The following CAPN13 variants were observed in gnomAD, a reference collection of about 807,000 sequenced individuals.
CAPN13 encodes the protein calpain 13.
Under a neutral mutation model 98.4 loss-of-function variants are expected in CAPN13, and 90 were observed. The ratio of observed to expected loss-of-function variants is 0.92; its 90% CI spans 0.77 to 1.09. The LOEUF (loss-of-function observed/expected upper bound fraction) is 1.09. Among genes scored for constraint, CAPN13 ranks in the 50% least tolerant of loss-of-function variants. The pLI is 0.00. For synonymous variants in CAPN13, 330 were observed against 305.5 expected, an observed-to-expected ratio of 1.08 and a Z score of -0.84; for missense variants, 887 against 841.3, an observed-to-expected ratio of 1.05 and a Z score of -0.67.
intron 7 of CAPN13, among the ~76,000 whole-genome samples, chr2:30,758,774 CTCCCTCCCTCCCTTTCCT>C (rs1672598601): frequency 2.1e-5 from 1 of 46,520 alleles, no homozygotes; most frequent in African/African-American, 9.4e-5. Flanking sequence ...CCTTTCCTTC[CTCCCTCCCTCCCTTTCCT>C]TTCCTTCCTC....
intron 7 of CAPN13, among the ~76,000 whole-genome samples, chr2:30,761,042 T>G (rs1439305684): frequency 6.6e-6 from 1 of 152,202 alleles, no homozygotes; most frequent in Non-Finnish European, 1.5e-5. Flanking sequence ...AATGGTACAA[T>G]AAAAACCAGC....
Position 30,738,419 on chromosome 2 carries a change from G to A in CAPN13, c.1575C>T (p.Leu525=), listed in dbSNP as rs1313092821. 2 of 1,608,456 alleles carry A rather than the reference G, an allele frequency of 1.2e-6. No individual in the cohort carries two copies. The highest frequency in any genetic ancestry group is 1.7e-6 in the Non-Finnish European group (2 of 1,177,214). ...TCATACCTGTTAGAAGCTCCTGGTT[G>A]AGAAGGCCCTGAAGCTGGGTGGCAT... The part of the protein sequence containing the change: ...DIDATQLQGL[L]NQELLTGPPG... The change falls in exon 16 of 23, where the codon CTC becomes CTT. Residue 525 remains leucine (L), a synonymous_variant. Transcript: ENST00000295055.
rs553760647 is a variant in CAPN13 at position 30,764,193 on chromosome 2, A to C, written c.638T>G (p.Val213Gly). The change falls in exon 6 of 23, where the codon GTG becomes GGG. Residue 213 changes from valine to glycine, a missense_variant. By Grantham distance (109) the Val-to-Gly change is moderately radical. Transcript: ENST00000295055. ...CTTGGTCGCTGTCTTCACTGCCTTC[A>C]CCAGGTCCACAGGGGAAGAGTGCAG... ...IHLHSSPVDL[V>G]KAVKTATKAG... The C allele has an allele frequency of 1.9e-5, 30 of 1,607,918 alleles. No homozygotes were observed. In the African/African-American group the frequency reaches 3.6e-4, roughly 19 times the overall value.
intron 1 of CAPN13, among the ~76,000 whole-genome samples, chr2:30,789,954 G>A (rs921880880): frequency 6.6e-6 from 1 of 152,180 alleles, no homozygotes; most frequent in East Asian, 1.9e-4. Context: ...GGCTGCCCAG[G>A]CCTGGGGGAA....
chr2:30,731,871 G>C (rs554924019), intron 20 of CAPN13, among the ~76,000 whole-genome samples: 1 of 152,146 alleles, frequency 6.6e-6, no homozygotes, highest in Non-Finnish European at 1.5e-5. Flanking sequence ...GCAGTGCCTC[G>C]TGGCATGGCG....
intron 22 of CAPN13, among the ~76,000 whole-genome samples, chr2:30,724,806 G>C (rs72613857): frequency 0.039 from 5,890 of 152,112 alleles, 201 homozygotes; most frequent in East Asian, 0.14. Context: ...GTCTTCAACC[G>C]AACATCTAGC....
chr2:30,780,448 T>C (rs553558404), intron 2 of CAPN13, among the ~76,000 whole-genome samples: 1 of 152,352 alleles, frequency 6.6e-6, no homozygotes, highest in African/African-American at 2.4e-5. Context: ...AAGTAGCACT[T>C]ACATGGGCCA....
At chr2:30,770,222 G>C in intron 5 of CAPN13, 91 bp downstream of exon 5, 1 of 1,522,356 alleles carries the variant, frequency 6.6e-7, no homozygotes, top group South Asian at 1.3e-5. Context: ...GGTGGCAAAG[G>C]CTGCAATGCT....
intron 13 of CAPN13, 63 bp downstream of exon 13, chr2:30,743,320 A>G: frequency 1.4e-6 from 2 of 1,426,998 alleles, no homozygotes; most frequent in Non-Finnish European, 2.0e-6. Flanking sequence ...GCCCATAATT[A>G]CACAATGTGT....
At chr2:30,742,011 G>T in intron 14 of CAPN13, 47 bp from the exon 15 acceptor site, 3 of 1,554,204 alleles carry the variant, frequency 1.9e-6, no homozygotes, top group Non-Finnish European at 2.7e-6. Context: ...GGGGAAGGAG[G>T]CCACCCATCT....
intron 1 of CAPN13, among the ~76,000 whole-genome samples, chr2:30,791,876 C>G (rs147659744): frequency 4.5e-4 from 68 of 152,284 alleles, no homozygotes; most frequent in African/African-American, 1.6e-3. Flanking sequence ...CTTGTCCTAA[C>G]CTGCTTGTAT....
chr2:30,777,317 A>G (rs1673750516), intron 3 of CAPN13, among the ~76,000 whole-genome samples: 2 of 152,198 alleles, frequency 1.3e-5, no homozygotes, highest in Admixed American at 6.5e-5. Flanking sequence ...CATATATAAA[A>G]TGGGGTTGTT....
At chr2:30,781,315 A>G (rs1218502864) in intron 2 of CAPN13, among the ~76,000 whole-genome samples, 1 of 152,186 alleles carries the variant, frequency 6.6e-6, no homozygotes, top group Non-Finnish European at 1.5e-5. Context: ...ATCCTGTGAG[A>G]TGGACTTGGC....
At chr2:30,764,353 G>A in intron 5 of CAPN13, 47 bp from the exon 6 acceptor site, 1 of 1,592,846 alleles carries the variant, frequency 6.3e-7, no homozygotes. Context: ...TTGGTGAGAT[G>A]CTCTGGGAGG....
chr2:30,789,848 G>A (rs995763770), intron 1 of CAPN13, among the ~76,000 whole-genome samples: 1 of 152,252 alleles, frequency 6.6e-6, no homozygotes, highest in African/African-American at 2.4e-5. Context: ...TCATACCCAG[G>A]ACAGGCTAGG....
chr2:30,799,796 A>G (rs1054420655), intron 1 of CAPN13, among the ~76,000 whole-genome samples: 2 of 152,148 alleles, frequency 1.3e-5, no homozygotes, highest in Non-Finnish European at 2.9e-5. Flanking sequence ...ACACAGGGCC[A>G]GGCGCAGTGG....
chr2:30,767,162 C>T (rs1213031845), intron 5 of CAPN13, among the ~76,000 whole-genome samples: 1 of 152,228 alleles, frequency 6.6e-6, no homozygotes, highest in African/African-American at 2.4e-5. Context: ...AGCCATTTCA[C>T]CTCGCTGAGC....
chr2:30,731,108 C>T (rs1016159942), intron 21 of CAPN13, among the ~76,000 whole-genome samples: 6 of 152,176 alleles, frequency 3.9e-5, no homozygotes, highest in African/African-American at 1.4e-4. Flanking sequence ...ATTTATGACT[C>T]CCACATAATC....
chr2:30,739,941 T>A (rs1361346972), intron 15 of CAPN13, among the ~76,000 whole-genome samples: 1 of 152,198 alleles, frequency 6.6e-6, no homozygotes, highest in Non-Finnish European at 1.5e-5. Context: ...GGGTAAATGC[T>A]GGCTACTTGG....
Sources: gnomAD v4.1 joint callset for allele counts (sites outside exome capture counted in the v4.1 genomes callset) on GRCh38, gnomAD v4.1.1 for gene constraint, MANE v1.5 for transcripts, NCBI Gene and HGNC (gene_info 2026-07-23, HGNC 2026-07-21) for gene names.